Variants in GRIA1 observed in about 807,000 individuals in gnomAD.
The protein encoded by GRIA1 is glutamate receptor 1.
A neutral mutation model predicts 99.2 loss-of-function variants in GRIA1; 31 were observed. That is an observed-to-expected ratio of 0.31 (90% CI 0.23 to 0.42). The LOEUF (loss-of-function observed/expected upper bound fraction) is 0.42. GRIA1 is among the 10% of genes least tolerant of loss of function. The pLI is 1.00. For synonymous variants in GRIA1, 438 were observed against 432.4 expected, an observed-to-expected ratio of 1.01 and a Z score of -0.16; for missense variants, 782 against 1,157.5, an observed-to-expected ratio of 0.68 and a Z score of 4.71.
chr5:153,596,346 C>T (rs976720794), intron 2 of GRIA1, among the ~76,000 whole-genome samples: 3 of 152,218 alleles, frequency 2.0e-5, no homozygotes, highest in Non-Finnish European at 4.4e-5. Context: ...GTTTTCGGCT[C>T]TGTCCACATG....
intron 13 of GRIA1, among the ~76,000 whole-genome samples, chr5:153,783,897 G>A (rs1004045639): frequency 1.3e-5 from 2 of 152,198 alleles, no homozygotes; most frequent in African/African-American, 4.8e-5. Context: ...GTCACTGCAG[G>A]AGTATTTGCA....
upstream of GRIA1, chr5:153,489,633 C>A: frequency 3.7e-6 from 1 of 273,658 alleles, no homozygotes; most frequent in South Asian, 3.4e-5. Context: ...TATTCTGTGG[C>A]GGCTAGTGGC....
chr5:153,774,076 C>CCG (rs1481506693), intron 13 of GRIA1, among the ~76,000 whole-genome samples: 1 of 86,906 alleles, frequency 1.2e-5, no homozygotes, highest in Non-Finnish European at 2.3e-5. Flanking sequence ...CCCCCCCTCC[C>CCG]CCCACACACA....
At chr5:153,514,835 G>A (rs1581159122) in intron 2 of GRIA1, among the ~76,000 whole-genome samples, 1 of 151,926 alleles carries the variant, frequency 6.6e-6, no homozygotes, top group Non-Finnish European at 1.5e-5. Context: ...TACAATAATG[G>A]ACAACAGATA....
At chr5:153,625,887 A>G (rs1767552733) in intron 2 of GRIA1, among the ~76,000 whole-genome samples, 1 of 152,230 alleles carries the variant, frequency 6.6e-6, no homozygotes, top group Middle Eastern at 3.2e-3. Flanking sequence ...AAACTGAGGC[A>G]TAGACTGGCT....
intron 11 of GRIA1, among the ~76,000 whole-genome samples, chr5:153,726,950 C>A (rs1054893371): frequency 6.6e-6 from 1 of 152,190 alleles, no homozygotes; most frequent in African/African-American, 2.4e-5. Flanking sequence ...GAATTTTAGA[C>A]CAACATCCTT....
At chr5:153,719,683 C>T (rs948580567) in intron 11 of GRIA1, among the ~76,000 whole-genome samples, 6 of 152,010 alleles carry the variant, frequency 3.9e-5, no homozygotes, top group African/African-American at 1.5e-4. Flanking sequence ...TGTCACAACC[C>T]CAACCAGATT....
intron 2 of GRIA1, among the ~76,000 whole-genome samples, chr5:153,515,995 C>T (rs959179358): frequency 1.3e-5 from 2 of 151,962 alleles, no homozygotes; most frequent in East Asian, 1.9e-4. Flanking sequence ...CCAAGGTGGG[C>T]GGATCATGAG....
intron 5 of GRIA1, among the ~76,000 whole-genome samples, chr5:153,665,268 C>T (rs1055460389): frequency 3.3e-5 from 5 of 152,220 alleles, no homozygotes; most frequent in African/African-American, 9.6e-5. Context: ...CTGACATTTA[C>T]AATGCTTTGT....
chr5:153,780,779 G>T (rs1470262497), intron 13 of GRIA1, among the ~76,000 whole-genome samples: 2 of 151,984 alleles, frequency 1.3e-5, no homozygotes, highest in Non-Finnish European at 2.9e-5. Flanking sequence ...TTCCCTTTCG[G>T]CCCTCCACAC....
At chr5:153,613,117 C>T (rs926248311) in intron 2 of GRIA1, among the ~76,000 whole-genome samples, 9 of 152,116 alleles carry the variant, frequency 5.9e-5, no homozygotes, top group Non-Finnish European at 1.2e-4. Flanking sequence ...TTCTTTTCCT[C>T]CCCCCAATAA....
intron 1 of GRIA1, 52 bp downstream of exon 1, chr5:153,491,022 T>C: frequency 6.5e-7 from 1 of 1,533,568 alleles, no homozygotes; most frequent in Non-Finnish European, 9.0e-7. Context: ...GCCAGGGATT[T>C]TTTTGGGGAT....
chr5:153,585,869 T>C lies in GRIA1; in HGVS notation c.221-61059T>C, dbSNP rs565657829. The stretch of plus-strand genomic sequence containing the variant: ...GCTATCATAAGATAGTCACTATCTC[T>C]TAACAAACCTGTTTTAGTGTCATCC... On this transcript the variant is annotated intron_variant, in intron 2 of 15. Transcript: ENST00000285900. 5.3e-5 allele frequency among the ~76,000 whole-genome samples: 8 copies of C among 152,294 alleles called. No homozygotes were observed. The South Asian group carries it at 1.5e-3, about 28-fold the overall frequency.
Position 153,725,543 on chromosome 5 carries a change from A to T in GRIA1, c.1823+19476A>T, listed in dbSNP as rs534345749. 7.5e-5 allele frequency among the ~76,000 whole-genome samples: 8 copies of T among 106,386 alleles called. 1 individual carries two copies. Among genetic ancestry groups the T allele is most frequent in the Non-Finnish European group, 1.5e-4 (8 of 54,288 alleles). The allele number at this position is 106,386 out of a possible 152,430, so 69.8% of individuals were successfully genotyped here. On this transcript the variant is annotated intron_variant, in intron 11 of 15. Transcript: ENST00000285900. ...ACATAGGCTCAAAATAAAAGGATGGAGGAAGATCTACCAAGCAAATGGAAA... is the reference window on the plus strand; with the variant it reads ...ACATAGGCTCAAAATAAAAGGATGGTGGAAGATCTACCAAGCAAATGGAAA...
intron 2 of GRIA1, among the ~76,000 whole-genome samples, chr5:153,521,755 T>C (rs1322914820): frequency 6.6e-6 from 1 of 152,178 alleles, no homozygotes; most frequent in Non-Finnish European, 1.5e-5. Flanking sequence ...AAGGCATATT[T>C]TAGGCTCTAT....
At chr5:153,793,375 T>C (rs1166813738) in intron 13 of GRIA1, among the ~76,000 whole-genome samples, 1 of 152,146 alleles carries the variant, frequency 6.6e-6, no homozygotes, top group Non-Finnish European at 1.5e-5. Context: ...TATTACTGCC[T>C]CATGATGGTC....
At chr5:153,562,920 G>A (rs1581234499) in intron 2 of GRIA1, among the ~76,000 whole-genome samples, 2 of 152,192 alleles carry the variant, frequency 1.3e-5, no homozygotes, top group East Asian at 1.9e-4. Flanking sequence ...GCTCATGCCT[G>A]TAATCCCAGC....
chr5:153,709,241 A>G (rs979836118), intron 11 of GRIA1, among the ~76,000 whole-genome samples: 1 of 152,244 alleles, frequency 6.6e-6, no homozygotes, highest in African/African-American at 2.4e-5. Context: ...GTGCTGCAGT[A>G]GAAGGGGCTT....
intron 2 of GRIA1, among the ~76,000 whole-genome samples, chr5:153,610,984 T>C (rs897378442): frequency 3.9e-5 from 6 of 152,206 alleles, no homozygotes; most frequent in African/African-American, 1.4e-4. Flanking sequence ...GGTGGATGGT[T>C]CAAACAGGCT....
Sources: gnomAD v4.1 joint callset for allele counts (sites outside exome capture counted in the v4.1 genomes callset) on GRCh38, gnomAD v4.1.1 for gene constraint, MANE v1.5 for transcripts, NCBI Gene and HGNC (gene_info 2026-07-23, HGNC 2026-07-21) for gene names.